Variants in COPG2 observed in about 807,000 individuals in gnomAD.
The protein encoded by COPG2 is coatomer subunit gamma-2.
COPG2 carries 37 observed loss-of-function variants against 46.3 expected under a neutral mutation model. That is an observed-to-expected ratio of 0.80 (90% confidence interval 0.61 to 1.05). COPG2 has a LOEUF of 1.05. Among genes scored for constraint, COPG2 ranks in the 50% least tolerant of loss-of-function variants. COPG2 has a pLI of 0.00. For synonymous variants in COPG2, 159 were observed against 129.7 expected (o/e 1.23, Z -1.53); for missense variants, 427 against 387.8 (o/e 1.10, Z -0.85).
intron 6 of COPG2, among the ~76,000 whole-genome samples, chr7:130,615,806 C>T (rs1457333003): frequency 1.3e-5 from 2 of 152,142 alleles, no homozygotes; most frequent in Non-Finnish European, 2.9e-5. Context: ...TCAGTGCTGG[C>T]GCTTTCCTAG....
At chr7:130,588,328 T>C (rs1794325623) in intron 9 of COPG2, among the ~76,000 whole-genome samples, 1 of 151,954 alleles carries the variant, frequency 6.6e-6, no homozygotes, top group South Asian at 2.1e-4. Context: ...ATCATGCTGC[T>C]ATAAAGACAC....
chr7:130,536,962 A>C (rs1322056731), intron 20 of COPG2, among the ~76,000 whole-genome samples: 39 of 146,970 alleles, frequency 2.7e-4, no homozygotes, highest in Admixed American at 2.5e-3. Flanking sequence ...GAGCGTCTTG[A>C]AGACATGGGC....
intron 17 of COPG2, 81 bp downstream of exon 17, chr7:130,550,432 AGAGTGACAATT>A: frequency 3.5e-6 from 1 of 282,512 alleles, no homozygotes; most frequent in Non-Finnish European, 6.6e-6. Context: ...AAAAAAAAAA[AGAGTGACAATT>A]AAATGAGTAT....
chr7:130,565,008 G>T (rs1793779863), intron 9 of COPG2, among the ~76,000 whole-genome samples: 1 of 152,210 alleles, frequency 6.6e-6, no homozygotes, highest in Non-Finnish European at 1.5e-5. Context: ...CAAACAAGAG[G>T]CTGGCCAAAA....
chr7:130,668,621 C>G lies in COPG2; in HGVS notation c.37+11G>C, dbSNP rs781907812. On this transcript the variant is annotated intron_variant, in intron 1 of 23. Transcript: ENST00000425248. ...GCGGCTGAGGGTGGGCCTCGGAAGC[C>G]CCGCGCGTACCAGACTCCTCGTCCT... 26 of 1,529,818 alleles carry G rather than the reference C, an allele frequency of 1.7e-5. No homozygotes were observed. Among genetic ancestry groups the G allele is most frequent in the Non-Finnish European group, 2.3e-5 (26 of 1,140,316 alleles). The allele number at this position is 1,529,818 out of a possible 1,614,324, so 94.8% of individuals were successfully genotyped here.
At chr7:130,563,068 G>A (rs1319673276) in intron 11 of COPG2, among the ~76,000 whole-genome samples, 1 of 152,140 alleles carries the variant, frequency 6.6e-6, no homozygotes, top group Non-Finnish European at 1.5e-5. Context: ...AAAATGCTTA[G>A]AAGTCAGAAA....
At chr7:130,609,685 A>C (rs932967666) in intron 9 of COPG2, among the ~76,000 whole-genome samples, 17 of 151,352 alleles carry the variant, frequency 1.1e-4, no homozygotes, top group Non-Finnish European at 1.8e-4. Flanking sequence ...CTATTCTTTT[A>C]TTTTCTTTTC....
At chr7:130,571,291 G>A (rs1273165517) in intron 9 of COPG2, among the ~76,000 whole-genome samples, 1 of 151,834 alleles carries the variant, frequency 6.6e-6, no homozygotes, top group Non-Finnish European at 1.5e-5. Context: ...TTTGCAAATG[G>A]TGCATCTGAT....
At chr7:130,642,715 A>C (rs1041786517) in intron 5 of COPG2, among the ~76,000 whole-genome samples, 6 of 152,212 alleles carry the variant, frequency 3.9e-5, no homozygotes, top group Non-Finnish European at 2.9e-5. Flanking sequence ...ATCTGTGGAA[A>C]AATGGAATTA....
At chr7:130,556,142 C>A (rs1344003678) in intron 12 of COPG2, among the ~76,000 whole-genome samples, 2 of 152,162 alleles carry the variant, frequency 1.3e-5, no homozygotes, top group Non-Finnish European at 2.9e-5. Flanking sequence ...AAGGATGGAA[C>A]CTGAACATTT....
intron 9 of COPG2, among the ~76,000 whole-genome samples, chr7:130,600,631 A>G (rs146133503): frequency 6.6e-6 from 1 of 152,136 alleles, no homozygotes; most frequent in East Asian, 1.9e-4. Context: ...GCTACATGGC[A>G]TTTTTTATGT....
chr7:130,588,902 G>T (rs549673895), intron 9 of COPG2, among the ~76,000 whole-genome samples: 242 of 152,064 alleles, frequency 1.6e-3, no homozygotes, highest in Non-Finnish European at 2.6e-3. Flanking sequence ...ATGATAATTT[G>T]TTATTTATCT....
At chr7:130,563,673 G>T (rs1247831822) in intron 10 of COPG2, among the ~76,000 whole-genome samples, 1 of 142,906 alleles carries the variant, frequency 7.0e-6, no homozygotes, top group African/African-American at 2.6e-5. Flanking sequence ...AGCATGGCGT[G>T]AACCCAGGAG....
At chr7:130,588,761 C>T (rs558454550) in intron 9 of COPG2, among the ~76,000 whole-genome samples, 2 of 152,054 alleles carry the variant, frequency 1.3e-5, no homozygotes, top group Admixed American at 1.3e-4. Flanking sequence ...CAAACCTGCA[C>T]GTTGTGCACA....
chr7:130,651,266 T>C (rs895027647), intron 5 of COPG2, among the ~76,000 whole-genome samples: 3 of 152,000 alleles, frequency 2.0e-5, no homozygotes, highest in Admixed American at 6.6e-5. Flanking sequence ...ATCCCAACTA[T>C]CCAGAGATAA....
At chr7:130,656,958 T>C (rs1795871499) in intron 4 of COPG2, among the ~76,000 whole-genome samples, 1 of 149,830 alleles carries the variant, frequency 6.7e-6, no homozygotes, top group African/African-American at 2.4e-5. Context: ...TTATATATAA[T>C]ATAACCTTGT....
chr7:130,585,694 G>A (rs1288957224), intron 9 of COPG2, among the ~76,000 whole-genome samples: 1 of 151,904 alleles, frequency 6.6e-6, no homozygotes, highest in African/African-American at 2.4e-5. Context: ...ATATACAAAT[G>A]AGCAACGAAC....
At chr7:130,508,996 A>G (rs782227642) in intron 20 of COPG2, 3 of 465,770 alleles carry the variant, frequency 6.4e-6, no homozygotes, top group South Asian at 3.3e-5. Context: ...TGAAAAATAA[A>G]TATTTTGAGA....
intron 5 of COPG2, among the ~76,000 whole-genome samples, chr7:130,620,122 T>C (rs574694551): frequency 6.6e-6 from 1 of 152,318 alleles, no homozygotes; most frequent in African/African-American, 2.4e-5. Flanking sequence ...TTTAATGTTT[T>C]ATCTATAAAT....
Sources: allele counts gnomAD v4.1 joint callset (sites outside exome capture counted in the v4.1 genomes callset), GRCh38; gene constraint gnomAD v4.1.1; transcripts MANE v1.5; gene names NCBI Gene and HGNC (gene_info 2026-07-23, HGNC 2026-07-21).